The following EYS variants were observed in gnomAD, a reference collection of about 807,000 sequenced individuals.
EYS encodes the protein protein eyes shut homolog.
A neutral mutation model predicts 282.1 loss-of-function variants in EYS; 250 were observed. The ratio of observed to expected loss-of-function variants is 0.89; its 90% CI spans 0.80 to 0.98. The LOEUF (loss-of-function observed/expected upper bound fraction) is 0.98, where lower values mean the gene tolerates loss of function less well. Among genes scored for constraint, EYS ranks in the 50% least tolerant of loss-of-function variants. EYS has a pLI of 0.00. For missense variants in EYS, 4,016 were observed against 3,709.0 expected (o/e 1.08, Z -2.15); for synonymous variants, 1,355 against 1,282.9 (o/e 1.06, Z -1.20).
chr6:65,371,676 T>C (rs539984111), intron 8 of EYS, among the ~76,000 whole-genome samples: 6 of 150,872 alleles, frequency 4.0e-5, no homozygotes, highest in Non-Finnish European at 7.4e-5. Context: ...AGTTTAATTA[T>C]GTGAGCCTTC....
chr6:64,582,340 C>T (rs1447059905), intron 26 of EYS, among the ~76,000 whole-genome samples: 1 of 152,110 alleles, frequency 6.6e-6, no homozygotes, highest in Non-Finnish European at 1.5e-5. Flanking sequence ...AGGTTGCATG[C>T]TTCTGATGAG....
intron 28 of EYS, among the ~76,000 whole-genome samples, chr6:64,393,846 C>G (rs1325385808): frequency 2.0e-5 from 3 of 151,976 alleles, no homozygotes. Context: ...CAAATTGTCC[C>G]TGTTTGCAGA....
intron 12 of EYS, among the ~76,000 whole-genome samples, chr6:65,273,820 CT>C (rs1398482485): frequency 6.6e-6 from 1 of 152,126 alleles, no homozygotes; most frequent in African/African-American, 2.4e-5. Flanking sequence ...CAAGGTTCAG[CT>C]TTTTGTATGC....
intron 35 of EYS, among the ~76,000 whole-genome samples, chr6:63,894,573 T>C (rs321511): frequency 6.6e-6 from 1 of 151,280 alleles, no homozygotes; most frequent in African/African-American, 2.4e-5. Context: ...TGTTGTTTTT[T>C]TTTGTTTGTT....
chr6:64,736,353 A>G (rs1048523853), intron 22 of EYS, among the ~76,000 whole-genome samples: 1 of 152,180 alleles, frequency 6.6e-6, no homozygotes, highest in African/African-American at 2.4e-5. Context: ...CAATGAGGAA[A>G]CTACTGACTT....
chr6:65,367,905 C>A lies in EYS; in HGVS notation c.1300-14288G>T, dbSNP rs538751325. Among the ~76,000 whole-genome samples the A allele has an allele frequency of 3.7e-4, 56 of 151,630 alleles. 3 individuals are homozygous for A. In the South Asian group the frequency reaches 0.011, roughly 30 times the overall value. The stretch of plus-strand genomic sequence containing the variant: ...CATTGGCATAGCAGTAATTCCTGAG[C>A]ATTTCTGTATTAGTCCATTCTCATA... On this transcript the variant is annotated intron_variant, in intron 8 of 42. Transcript: ENST00000503581.
intron 1 of EYS, among the ~76,000 whole-genome samples, chr6:65,652,535 G>GA (rs1057075316): frequency 5.2e-4 from 79 of 151,974 alleles, no homozygotes; most frequent in African/African-American, 1.9e-3. Context: ...TCACAGAAAG[G>GA]ACTGATTCCA....
At chr6:65,230,499 T>A (rs1766742976) in intron 12 of EYS, among the ~76,000 whole-genome samples, 1 of 151,860 alleles carries the variant, frequency 6.6e-6, no homozygotes, top group African/African-American at 2.4e-5. Flanking sequence ...CTTTTTAACT[T>A]TAATATGAGT....
At chr6:64,835,535 T>C (rs1271662508) in intron 19 of EYS, among the ~76,000 whole-genome samples, 1 of 151,724 alleles carries the variant, frequency 6.6e-6, no homozygotes, top group Non-Finnish European at 1.5e-5. Flanking sequence ...AATTATTTCA[T>C]TATCAACACT....
intron 2 of EYS, among the ~76,000 whole-genome samples, chr6:65,532,153 A>G (rs542512476): frequency 2.2e-4 from 34 of 152,266 alleles, no homozygotes; most frequent in African/African-American, 8.2e-4. Flanking sequence ...AATTTAAACA[A>G]TTATTGAACT....
rs571650985 is a variant in EYS, at chr6:64,030,673, T to C, written c.6726-31490A>G. Among the ~76,000 whole-genome samples the C allele has an allele frequency of 9.8e-5, 15 of 152,316 alleles. No individual in the cohort carries two copies. The South Asian group carries it at 3.1e-3, about 32-fold the overall frequency. ...CAACATGGCTTCTCCCTTTTCTAGG[T>C]CCCGTGTCAGCCATCTTGTTATTAC... On this transcript the variant is annotated intron_variant, in intron 33 of 42. Coordinates refer to ENST00000503581, the MANE Select transcript of EYS (RefSeq NM_001142800.2).
chr6:65,421,587 G>T (rs989559019), intron 5 of EYS, among the ~76,000 whole-genome samples: 1 of 151,994 alleles, frequency 6.6e-6, no homozygotes, highest in East Asian at 1.9e-4. Flanking sequence ...TTGGCTAACT[G>T]TTAGGAGCAC....
At chr6:64,682,774 C>A (rs1407569762) in intron 22 of EYS, among the ~76,000 whole-genome samples, 2 of 152,128 alleles carry the variant, frequency 1.3e-5, no homozygotes, top group Non-Finnish European at 2.9e-5. Flanking sequence ...TCCAAACGTA[C>A]CTTCCTTTTT....
At chr6:64,557,043 G>T (rs1052307594) in intron 26 of EYS, among the ~76,000 whole-genome samples, 1 of 151,838 alleles carries the variant, frequency 6.6e-6, no homozygotes, top group South Asian at 2.1e-4. Flanking sequence ...CTGACAATAA[G>T]TAGAAAAATA....
At chr6:65,405,589 T>C (rs1440721788) in intron 5 of EYS, among the ~76,000 whole-genome samples, 1 of 152,100 alleles carries the variant, frequency 6.6e-6, no homozygotes, top group Non-Finnish European at 1.5e-5. Context: ...ATCATCACAA[T>C]ACAGTTTTAG....
At chr6:64,850,352 A>G (rs1195647138) in intron 19 of EYS, among the ~76,000 whole-genome samples, 1 of 152,150 alleles carries the variant, frequency 6.6e-6, no homozygotes, top group African/African-American at 2.4e-5. Flanking sequence ...GCATTGGTCC[A>G]GCATTTGTAG....
chr6:65,106,264 T>C (rs1775033243), intron 12 of EYS, among the ~76,000 whole-genome samples: 1 of 152,110 alleles, frequency 6.6e-6, no homozygotes, highest in Admixed American at 6.6e-5. Flanking sequence ...TTCCTTTCAA[T>C]AGACACAATA....
intron 36 of EYS, among the ~76,000 whole-genome samples, chr6:63,850,569 C>A (rs1188733348): frequency 6.6e-6 from 1 of 152,132 alleles, no homozygotes; most frequent in Non-Finnish European, 1.5e-5. Flanking sequence ...CATATCCAGT[C>A]AAACTAAGCT....
At chr6:65,472,041 C>A (rs191730984) in intron 5 of EYS, among the ~76,000 whole-genome samples, 1 of 151,940 alleles carries the variant, frequency 6.6e-6, no homozygotes, top group African/African-American at 2.4e-5. Flanking sequence ...TTACTCAGTG[C>A]CTGAATAAAC....
Sources: gnomAD v4.1 joint callset for allele counts (sites outside exome capture counted in the v4.1 genomes callset) on GRCh38, gnomAD v4.1.1 for gene constraint, MANE v1.5 for transcripts, NCBI Gene and HGNC (gene_info 2026-07-23, HGNC 2026-07-21) for gene names.